Variants in PHEX observed in about 807,000 individuals in gnomAD.
PHEX encodes the protein phosphate regulating endopeptidase X-linked.
PHEX carries 16 observed loss-of-function variants against 68.0 expected under a neutral mutation model. That is an observed-to-expected ratio of 0.24 (90% CI 0.16 to 0.36). The LOEUF (loss-of-function observed/expected upper bound fraction) is 0.36, where lower values mean the gene tolerates loss of function less well. Among genes scored for constraint, PHEX ranks in the 10% least tolerant of loss-of-function variants. The probability of loss-of-function intolerance (pLI) is 1.00; values close to 1 mark genes in which losing one functional copy is unlikely to be tolerated. For missense variants in PHEX, 480 were observed against 575.5 expected, an observed-to-expected ratio of 0.83 and a Z score of 1.70; for synonymous variants, 208 against 205.1, an observed-to-expected ratio of 1.01 and a Z score of -0.12.
At chrX:22,155,052 C>T (rs1023916744) in intron 12 of PHEX, among the ~76,000 whole-genome samples, 6 of 112,340 alleles carry the variant, frequency 5.3e-5, no homozygotes, top group Non-Finnish European at 9.4e-5. Context: ...GCTGGGATTA[C>T]AGGCACACGC....
intron 9 of PHEX, among the ~76,000 whole-genome samples, chrX:22,108,235 C>A (rs1003236456): frequency 6.3e-5 from 7 of 111,819 alleles, no homozygotes; most frequent in African/African-American, 1.6e-4. Context: ...GGGGAATGCG[C>A]ATATCCTAAC....
At chrX:22,051,217 A>AT (rs1490697720) in intron 3 of PHEX, among the ~76,000 whole-genome samples, 1 of 112,664 alleles carries the variant, frequency 8.9e-6, no homozygotes, top group Non-Finnish European at 1.9e-5. Flanking sequence ...TAAAATTAGT[A>AT]TTTTTTAACA....
chrX:22,222,018 A>T (rs1230659722), intron 18 of PHEX, among the ~76,000 whole-genome samples: 1 of 111,709 alleles, frequency 9.0e-6, no homozygotes, highest in East Asian at 2.8e-4. Context: ...AATCTATTAT[A>T]CTTGTAGATG....
At chrX:22,084,539 GTTTTTTTT>G (rs76410908) in intron 5 of PHEX, among the ~76,000 whole-genome samples, 26 of 75,821 alleles carry the variant, frequency 3.4e-4, no homozygotes, top group Admixed American at 1.0e-3. Flanking sequence ...CTTCTCTTCA[GTTTTTTTT>G]TTTTTTTTTT....
intron 6 of PHEX, among the ~76,000 whole-genome samples, chrX:22,091,270 T>G (rs928192155): frequency 4.5e-5 from 5 of 111,528 alleles, no homozygotes; most frequent in African/African-American, 1.6e-4. Flanking sequence ...TTGGCAAGTT[T>G]TCCTTCCTAA....
In PHEX at chrX:22,209,790, TCTCTCC is replaced by T. The variant is rs1290256343; in HGVS notation, c.1646-3095_1646-3090del. Among the ~76,000 whole-genome samples the T allele has an allele frequency of 1.7e-3, 114 of 66,416 alleles. 1 individual carries two copies. The highest frequency in any genetic ancestry group is 6.3e-3 in the African/African-American group (103 of 16,321). The allele number at this position is 66,416 out of a possible 115,157, so 57.7% of individuals were successfully genotyped here. ...CCCTCTCCTCCCTCTCCTCCCTCTC[TCTCTCC>T]CTCTCCCTCTCCCTCTCCTCCCTCT... On this transcript the variant is annotated intron_variant, in intron 15 of 21. Coordinates refer to ENST00000379374, the MANE Select transcript of PHEX (RefSeq NM_000444.6).
chrX:22,154,102 G>A (rs1932902615), intron 12 of PHEX, among the ~76,000 whole-genome samples: 1 of 111,129 alleles, frequency 9.0e-6, no homozygotes, highest in Non-Finnish European at 1.9e-5. Context: ...TTAGAAAATT[G>A]ATGTCCTACT....
At chrX:22,058,113 C>G (rs992640686) in intron 3 of PHEX, among the ~76,000 whole-genome samples, 10 of 111,210 alleles carry the variant, frequency 9.0e-5, no homozygotes, top group Middle Eastern at 4.6e-3. Context: ...CTAAGACTCC[C>G]TGTTGGTGGG....
At chrX:22,151,877 T>C (rs1054911119) in intron 12 of PHEX, among the ~76,000 whole-genome samples, 1 of 111,478 alleles carries the variant, frequency 9.0e-6, no homozygotes, top group Admixed American at 9.6e-5. Flanking sequence ...AGCTCAGTGG[T>C]ATTATTTTTA....
intron 3 of PHEX, among the ~76,000 whole-genome samples, chrX:22,054,280 G>A (rs925044252): frequency 9.0e-5 from 10 of 110,875 alleles, no homozygotes; most frequent in East Asian, 5.6e-4. Context: ...GATTACAGGC[G>A]CCTGCCACCA....
intron 14 of PHEX, among the ~76,000 whole-genome samples, chrX:22,181,196 T>C (rs1179311149): frequency 8.9e-6 from 1 of 111,996 alleles, no homozygotes; most frequent in African/African-American, 3.2e-5. Flanking sequence ...TCCATAGTGG[T>C]TGTACTAATT....
chrX:22,218,778 C>T (rs113201776), intron 16 of PHEX, among the ~76,000 whole-genome samples: 362 of 112,067 alleles, frequency 3.2e-3, no homozygotes, highest in African/African-American at 0.011. Flanking sequence ...TCTTTCACAT[C>T]CCTAATTTCA....
In PHEX at chrX:22,247,905, A is replaced by T; in HGVS notation, c.2202A>T (p.Pro734=). ...FEEFQKAFNC[P]PNSTMNRGMD... ...AATTCCAGAAAGCTTTTAACTGTCC[A>T]CCCAATTCCACGATGAACAGAGGCA... Residue 734 remains proline (P), a synonymous_variant, in exon 22 of 22, where the codon CCA becomes CCT. Coordinates refer to ENST00000379374, the MANE Select transcript of PHEX (RefSeq NM_000444.6). 1 of 1,209,704 alleles carries T rather than the reference A, an allele frequency of 8.3e-7. No individual in the cohort carries two copies. The highest frequency in any genetic ancestry group is 1.1e-6 in the Non-Finnish European group (1 of 893,701).
At chrX:22,230,691 G>T (rs1301457820) in intron 20 of PHEX, among the ~76,000 whole-genome samples, 2 of 111,373 alleles carry the variant, frequency 1.8e-5, no homozygotes, top group Non-Finnish European at 3.8e-5. Context: ...AGACGATGGG[G>T]TTTTCTTAAT....
rs143555434 is a variant in PHEX at position 22,076,919 on chromosome X, T to C, written c.436+445T>C. On this transcript the variant is annotated intron_variant, in intron 4 of 21. Coordinates refer to ENST00000379374, the MANE Select transcript of PHEX (RefSeq NM_000444.6). ...TGTTGGGTCCTTAGCCCTGTCTCAATATCTTGGGTCTGATTGGAATCAGAA... is the reference window on the plus strand; with the variant it reads ...TGTTGGGTCCTTAGCCCTGTCTCAACATCTTGGGTCTGATTGGAATCAGAA... Among the ~76,000 whole-genome samples, 293 of 111,851 alleles carry C rather than the reference T, an allele frequency of 2.6e-3. 3 individuals are homozygous for C. Among genetic ancestry groups the C allele is most frequent in the African/African-American group, 8.9e-3 (274 of 30,804 alleles).
intron 21 of PHEX, 32 bp downstream of exon 21, chrX:22,245,441 A>T: frequency 1.0e-6 from 1 of 976,268 alleles, no homozygotes; most frequent in Non-Finnish European, 1.5e-6. Context: ...GGCAGTTTTT[A>T]ACTGTACATC....
intron 16 of PHEX, among the ~76,000 whole-genome samples, chrX:22,214,758 A>AAAT (rs923924308): frequency 3.6e-5 from 4 of 111,688 alleles, no homozygotes; most frequent in Non-Finnish European, 1.9e-5. Context: ...GTGTGCTCAA[A>AAAT]AATAGTGAGG....
In PHEX at chrX:22,250,700, C is replaced by CATTT. The variant is rs1304976824; in HGVS notation, c.*2751_*2754dup. The CATTT allele has an allele frequency of 8.9e-6, 1 of 112,306 alleles. No homozygotes were observed. Among genetic ancestry groups the CATTT allele is most frequent in the Non-Finnish European group, 1.9e-5 (1 of 53,254 alleles). 9.3% of individuals were successfully genotyped at this position (112,306 alleles called of 1,213,427 possible). On this transcript the variant is annotated 3_prime_UTR_variant, in exon 22 of 22. Transcript: ENST00000379374. The stretch of plus-strand genomic sequence containing the variant: ...GTGCTCAGCATTGGCCTCCTGTTCT[C>CATTT]ATTTATTCATTTTATGAGATGGACT...
intron 12 of PHEX, among the ~76,000 whole-genome samples, chrX:22,166,377 T>C (rs1933319445): frequency 1.8e-5 from 2 of 111,621 alleles, no homozygotes; most frequent in African/African-American, 3.3e-5. Flanking sequence ...TTTTCCTGCA[T>C]TATTTTCTGT....
Sources: gnomAD v4.1 joint callset for allele counts (sites outside exome capture counted in the v4.1 genomes callset) on GRCh38, gnomAD v4.1.1 for gene constraint, MANE v1.5 for transcripts, NCBI Gene and HGNC (gene_info 2026-07-23, HGNC 2026-07-21) for gene names.